The following CTNNA3 variants were observed in gnomAD, a reference collection of about 807,000 sequenced individuals.
CTNNA3 encodes the protein catenin alpha-3.
Under a neutral mutation model 95.7 loss-of-function variants are expected in CTNNA3, and 76 were observed. The ratio of observed to expected loss-of-function variants is 0.79; its 90% CI spans 0.66 to 0.96. The LOEUF is 0.96. Ranked by LOEUF, CTNNA3 falls within the 40% of genes least tolerant of loss-of-function variation. The probability of loss-of-function intolerance (pLI) is 0.00; values close to 1 mark genes in which losing one functional copy is unlikely to be tolerated. For synonymous variants in CTNNA3, 431 were observed against 374.4 expected (o/e 1.15, Z -1.74); for missense variants, 1,191 against 1,089.8 (o/e 1.09, Z -1.31).
intron 7 of CTNNA3, among the ~76,000 whole-genome samples, chr10:67,128,071 A>G (rs571995746): frequency 1.3e-5 from 2 of 152,104 alleles, no homozygotes; most frequent in South Asian, 4.1e-4. Context: ...CCTCCTCTTC[A>G]TCATCTCCTA....
intron 7 of CTNNA3, among the ~76,000 whole-genome samples, chr10:66,806,743 G>T (rs1841659047): frequency 7.3e-6 from 1 of 136,858 alleles, no homozygotes; most frequent in Non-Finnish European, 1.6e-5. Context: ...TATTTATAGA[G>T]AATGTGGCAT....
At chr10:67,171,291 T>A (rs149229157) in intron 7 of CTNNA3, among the ~76,000 whole-genome samples, 3 of 152,278 alleles carry the variant, frequency 2.0e-5, no homozygotes, top group Non-Finnish European at 4.4e-5. Flanking sequence ...TTGGTACTTC[T>A]AGGCCAGGCG....
chr10:67,261,960 C>T (rs1227313316), intron 5 of CTNNA3, among the ~76,000 whole-genome samples: 1 of 152,124 alleles, frequency 6.6e-6, no homozygotes, highest in African/African-American at 2.4e-5. Context: ...ACAAATGTAG[C>T]ACTGACTATG....
intron 7 of CTNNA3, among the ~76,000 whole-genome samples, chr10:66,785,437 G>A (rs1280771972): frequency 3.3e-5 from 5 of 152,162 alleles, no homozygotes; most frequent in Non-Finnish European, 7.3e-5. Context: ...GAGGGGCTGG[G>A]TAGAACAAAA....
In CTNNA3 at chr10:67,282,484, G is replaced by A. The variant is rs543051942; in HGVS notation, c.580-62614C>T. On this transcript the variant is annotated intron_variant, in intron 5 of 17. Transcript: ENST00000433211. The stretch of plus-strand genomic sequence containing the variant: ...AAGAAAAGGAAAAGGAGAAGGAAGC[G>A]GATCTTCATATCTAAAAACAATTGC... Among the ~76,000 whole-genome samples, 37 of 152,160 alleles carry A rather than the reference G, an allele frequency of 2.4e-4. No homozygotes were observed. In the South Asian group the frequency reaches 6.2e-3, roughly 26 times the overall value.
chr10:65,961,788 C>A (rs758482391), intron 17 of CTNNA3, among the ~76,000 whole-genome samples: 1 of 151,716 alleles, frequency 6.6e-6, no homozygotes, highest in African/African-American at 2.4e-5. Flanking sequence ...TTGAAAGGGA[C>A]CTTCTGGAAG....
intron 5 of CTNNA3, among the ~76,000 whole-genome samples, chr10:67,366,772 C>T (rs992055702): frequency 6.6e-5 from 10 of 152,168 alleles, no homozygotes; most frequent in Admixed American, 4.6e-4. Context: ...TCTCTACTCC[C>T]TATTCAATAA....
chr10:66,438,375 T>C (rs1185363169), intron 11 of CTNNA3, among the ~76,000 whole-genome samples: 3 of 152,186 alleles, frequency 2.0e-5, no homozygotes, highest in Non-Finnish European at 4.4e-5. Flanking sequence ...GGCTTCTGCC[T>C]TTCTTTCAGA....
At chr10:66,951,715 G>A (rs6480243) in intron 7 of CTNNA3, among the ~76,000 whole-genome samples, 3,500 of 152,200 alleles carry the variant, frequency 0.023, 129 homozygotes, top group African/African-American at 0.08. Context: ...AAGGAAACTG[G>A]ATTACTTGAC....
intron 16 of CTNNA3, among the ~76,000 whole-genome samples, chr10:65,977,646 G>C (rs2078232266): frequency 6.6e-6 from 1 of 151,964 alleles, no homozygotes; most frequent in Non-Finnish European, 1.5e-5. Flanking sequence ...GCCGGGCATG[G>C]TGACTCGTAC....
At chr10:67,281,043 A>G (rs1839380457) in intron 5 of CTNNA3, among the ~76,000 whole-genome samples, 1 of 152,154 alleles carries the variant, frequency 6.6e-6, no homozygotes, top group Non-Finnish European at 1.5e-5. Context: ...ACACATTTTT[A>G]CGTTTGACAT....
intron 5 of CTNNA3, among the ~76,000 whole-genome samples, chr10:67,265,419 T>C (rs1330538687): frequency 6.6e-6 from 1 of 152,116 alleles, no homozygotes; most frequent in African/African-American, 2.4e-5. Flanking sequence ...TTCAGCATAT[T>C]TGCAAGGAGG....
intron 7 of CTNNA3, among the ~76,000 whole-genome samples, chr10:67,170,776 T>TA (rs1187709832): frequency 2.0e-5 from 3 of 152,042 alleles, no homozygotes; most frequent in Non-Finnish European, 2.9e-5. Flanking sequence ...AAAAAAAGGT[T>TA]AAAAAAACCA....
intron 10 of CTNNA3, among the ~76,000 whole-genome samples, chr10:66,559,537 A>ACC (rs1252747533): frequency 1.3e-5 from 2 of 151,202 alleles, no homozygotes; most frequent in Non-Finnish European, 2.9e-5. Context: ...ACACAGGAAC[A>ACC]CCCCCCACAC....
At chr10:65,941,507 A>G (rs1056119408) in intron 17 of CTNNA3, among the ~76,000 whole-genome samples, 1 of 152,214 alleles carries the variant, frequency 6.6e-6, no homozygotes. Context: ...TGCAGAAAAT[A>G]AAGCCAGAGT....
chr10:66,638,686 A>G (rs1333047271), intron 9 of CTNNA3, among the ~76,000 whole-genome samples: 1 of 152,014 alleles, frequency 6.6e-6, no homozygotes, highest in African/African-American at 2.4e-5. Context: ...TACATAATCA[A>G]TGTACTGCTG....
intron 7 of CTNNA3, among the ~76,000 whole-genome samples, chr10:67,136,779 G>A (rs1342781856): frequency 1.3e-5 from 2 of 152,172 alleles, no homozygotes; most frequent in Non-Finnish European, 2.9e-5. Flanking sequence ...TCTTGCCAGG[G>A]TGAGAATATA....
chr10:67,719,111 C>G (rs1202991320), intron 1 of CTNNA3, among the ~76,000 whole-genome samples: 1 of 152,126 alleles, frequency 6.6e-6, no homozygotes, highest in East Asian at 1.9e-4. Context: ...ACAGTATTCT[C>G]TGATGGTAGT....
intron 13 of CTNNA3, among the ~76,000 whole-genome samples, chr10:66,147,974 T>A (rs2083987221): frequency 6.6e-6 from 1 of 151,564 alleles, no homozygotes; most frequent in Non-Finnish European, 1.5e-5. Context: ...TCACACTAGA[T>A]GCTATCCCCA....
Sources: gnomAD v4.1 joint callset for allele counts (sites outside exome capture counted in the v4.1 genomes callset) on GRCh38, gnomAD v4.1.1 for gene constraint, MANE v1.5 for transcripts, NCBI Gene and HGNC (gene_info 2026-07-23, HGNC 2026-07-21) for gene names.